The following MCTP1 variants were observed in gnomAD, a reference collection of about 807,000 sequenced individuals.
MCTP1 encodes multiple C2 and transmembrane domain-containing protein 1.
A neutral mutation model predicts 120.6 loss-of-function variants in MCTP1; 69 were observed. That is an observed-to-expected ratio of 0.57 (90% CI 0.47 to 0.70). The LOEUF is 0.70. Ranked by LOEUF, MCTP1 falls within the 30% of genes least tolerant of loss-of-function variation. The probability of loss-of-function intolerance (pLI) is 0.00; values close to 1 mark genes in which losing one functional copy is unlikely to be tolerated. For missense variants in MCTP1, 1,203 were observed against 1,248.8 expected (o/e 0.96, Z 0.55); for synonymous variants, 529 against 493.1 (o/e 1.07, Z -0.96).
At chr5:94,976,464 T>C (rs1828129477) in intron 2 of MCTP1, among the ~76,000 whole-genome samples, 1 of 151,962 alleles carries the variant, frequency 6.6e-6, no homozygotes, top group Non-Finnish European at 1.5e-5. Flanking sequence ...AATAAATATA[T>C]AAATAAATAA....
At chr5:95,052,201 G>A (rs1746137975) in intron 1 of MCTP1, among the ~76,000 whole-genome samples, 1 of 152,160 alleles carries the variant, frequency 6.6e-6, no homozygotes, top group African/African-American at 2.4e-5. Flanking sequence ...ACCGCTTTCT[G>A]GGTAAGTCTT....
At position 94,770,954 on chromosome 5, in the gene MCTP1, C is replaced by T. The variant is rs148162725; in HGVS notation, c.2610+8156G>A. On this transcript the variant is annotated intron_variant, in intron 19 of 22. Transcript: ENST00000515393. Reference sequence around the variant, plus strand: ...TCTTTCGCCAAGTCAGTGTTTCCAGCACTTATTGACATGAAACTGAAAAGC... The same window carrying T: ...TCTTTCGCCAAGTCAGTGTTTCCAGTACTTATTGACATGAAACTGAAAAGC... Among the ~76,000 whole-genome samples the T allele has an allele frequency of 5.3e-3, 814 of 152,204 alleles. 5 individuals are homozygous for T. The highest frequency in any genetic ancestry group is 7.7e-3 in the Non-Finnish European group (522 of 68,006).
chr5:95,030,916 C>T lies in MCTP1; in HGVS notation c.721-13432G>A, dbSNP rs137929184. Among the ~76,000 whole-genome samples, 907 of 151,162 alleles carry T rather than the reference C, an allele frequency of 6.0e-3. 5 individuals are homozygous for T. Among genetic ancestry groups the T allele is most frequent in the Admixed American group, 0.011 (161 of 15,192 alleles). On this transcript the variant is annotated intron_variant, in intron 1 of 22. Transcript: ENST00000515393. ...AAAGCAGATATCCAACACAAAGAAG[C>T]CAGAAAAACAATTCAGGATATGAAA...
intron 1 of MCTP1, among the ~76,000 whole-genome samples, chr5:95,158,940 T>G (rs1453244703): frequency 6.6e-6 from 1 of 152,036 alleles, no homozygotes; most frequent in Non-Finnish European, 1.5e-5. Flanking sequence ...AAAAGCAAAT[T>G]TATTTAATAT....
chr5:95,225,439 CA>C (rs1754150853), intron 1 of MCTP1, among the ~76,000 whole-genome samples: 1 of 152,144 alleles, frequency 6.6e-6, no homozygotes, highest in South Asian at 2.1e-4. Context: ...TAGGAACATA[CA>C]AGGAACTTTA....
chr5:95,107,020 C>T (rs1757134455), intron 1 of MCTP1, among the ~76,000 whole-genome samples: 2 of 152,132 alleles, frequency 1.3e-5, no homozygotes, highest in Admixed American at 1.3e-4. Context: ...ATACTTTATT[C>T]AAAGCCTACT....
chr5:95,284,011 G>A lies in MCTP1; in HGVS notation c.565C>T (p.Pro189Ser), dbSNP rs1294159114. The change falls in exon 1 of 23, where the codon CCC (proline) becomes TCC (serine). Residue 189 changes from proline (P) to serine (S), a missense_variant. Around this residue, in one of 2 missense-constraint regions of MCTP1, gnomAD observed 463 missense variants for 377.8 expected, o/e 1.23. Coordinates refer to ENST00000515393, the MANE Select transcript of MCTP1 (RefSeq NM_024717.7). The surrounding 1 kb of genome is among the most constrained non-coding windows in gnomAD (Gnocchi z 5.2). Reference sequence around the variant, plus strand: ...TTCTGGTGGCACAAGTGCGCCCCGGGGCCCTGACGCCGTGCACCCTCATCT... The same window carrying A: ...TTCTGGTGGCACAAGTGCGCCCCGGAGCCCTGACGCCGTGCACCCTCATCT... ...ARDEGARRQGPGAHLCHQKSS... is the reference protein window; with the variant it reads ...ARDEGARRQGSGAHLCHQKSS... 2.0e-6 allele frequency: 3 copies of A among 1,482,522 alleles called. No homozygotes were observed. Among genetic ancestry groups the A allele is most frequent in the Non-Finnish European group, 2.7e-6 (3 of 1,119,428 alleles). The allele number at this position is 1,482,522 out of a possible 1,614,324, so 91.8% of individuals were successfully genotyped here. A position where few individuals can be genotyped will look rare whatever the true frequency, so the allele number is the denominator to read the frequency against.
chr5:94,919,009 C>T (rs1156555372), intron 7 of MCTP1, among the ~76,000 whole-genome samples: 1 of 152,028 alleles, frequency 6.6e-6, no homozygotes, highest in Non-Finnish European at 1.5e-5. Flanking sequence ...CTTTTTTTGA[C>T]AGAGACTAAG....
chr5:94,798,926 T>C, intron 18 of MCTP1, 87 bp downstream of exon 18: 1 of 1,429,960 alleles, frequency 7.0e-7, no homozygotes, highest in South Asian at 1.3e-5. Context: ...GAATTCCTGG[T>C]TTGTAAAGCC....
intron 1 of MCTP1, among the ~76,000 whole-genome samples, chr5:95,106,412 C>G (rs115327412): frequency 6.6e-6 from 1 of 152,134 alleles, no homozygotes; most frequent in African/African-American, 2.4e-5. Flanking sequence ...GGAGAGCAGA[C>G]CCCAGAGCAG....
At chr5:94,817,616 C>T (rs1489894855) in intron 17 of MCTP1, among the ~76,000 whole-genome samples, 1 of 152,120 alleles carries the variant, frequency 6.6e-6, no homozygotes, top group East Asian at 1.9e-4. Flanking sequence ...TCTTTTGTTA[C>T]ACTTCAACCT....
intron 1 of MCTP1, among the ~76,000 whole-genome samples, chr5:95,102,379 C>G (rs1756798657): frequency 6.6e-6 from 1 of 152,166 alleles, no homozygotes; most frequent in Non-Finnish European, 1.5e-5. Flanking sequence ...CCAGCTCACT[C>G]CAGACACAGT....
At chr5:95,086,524 GA>G (rs931517473) in intron 1 of MCTP1, among the ~76,000 whole-genome samples, 10 of 152,166 alleles carry the variant, frequency 6.6e-5, no homozygotes, top group African/African-American at 2.4e-4. Context: ...GATCATTCAA[GA>G]TATAAAGTGG....
intron 10 of MCTP1, among the ~76,000 whole-genome samples, chr5:94,899,552 C>T (rs1204212950): frequency 6.6e-6 from 1 of 152,244 alleles, no homozygotes; most frequent in Non-Finnish European, 1.5e-5. Flanking sequence ...GGAAGCCACA[C>T]TGTGAAGATT....
At chr5:94,769,760 GAA>G in intron 19 of MCTP1, among the ~76,000 whole-genome samples, 1 of 151,842 alleles carries the variant, frequency 6.6e-6, no homozygotes, top group East Asian at 1.9e-4. Flanking sequence ...TTTGCCCCAA[GAA>G]AAAAAGACTT....
intron 19 of MCTP1, among the ~76,000 whole-genome samples, chr5:94,733,959 G>T (rs1763645827): frequency 7.2e-6 from 1 of 138,234 alleles, no homozygotes; most frequent in African/African-American, 2.7e-5. Flanking sequence ...GCAAGACTCT[G>T]TCTGAAAAAA....
intron 17 of MCTP1, among the ~76,000 whole-genome samples, chr5:94,821,705 C>T (rs920827697): frequency 1.3e-5 from 2 of 152,102 alleles, no homozygotes; most frequent in Non-Finnish European, 2.9e-5. Context: ...GGTTCCAGGA[C>T]CACCCTCTGA....
intron 1 of MCTP1, chr5:95,068,927 A>T: frequency 2.2e-6 from 1 of 446,278 alleles, no homozygotes; most frequent in Non-Finnish European, 3.5e-6. Context: ...AATTAGGCTT[A>T]GTTCCAGGGG....
chr5:95,002,631 T>C (rs1833947876), intron 2 of MCTP1, among the ~76,000 whole-genome samples: 1 of 152,212 alleles, frequency 6.6e-6, no homozygotes, highest in Non-Finnish European at 1.5e-5. Context: ...ATTTCTCCCA[T>C]TTGGAACGGG....
Sources: allele counts gnomAD v4.1 joint callset (sites outside exome capture counted in the v4.1 genomes callset), GRCh38; gene constraint gnomAD v4.1.1; regional missense constraint gnomAD v4.1.1; non-coding constraint Gnocchi (gnomAD v3.1); transcripts MANE v1.5; gene names NCBI Gene and HGNC (gene_info 2026-07-23, HGNC 2026-07-21).